Variants in ZNF385D observed in about 807,000 individuals in gnomAD.
The protein encoded by ZNF385D is zinc finger protein 659.
Under a neutral mutation model 35.8 loss-of-function variants are expected in ZNF385D, and 15 were observed. The observed-to-expected ratio is 0.42, with a 90% CI of 0.28 to 0.64. ZNF385D has a LOEUF of 0.64. Among genes scored for constraint, ZNF385D ranks in the 30% least tolerant of loss-of-function variants. The probability of loss-of-function intolerance (pLI) is 0.23; values close to 1 mark genes in which losing one functional copy is unlikely to be tolerated. For missense variants in ZNF385D, 474 were observed against 494.6 expected, an observed-to-expected ratio of 0.96 and a Z score of 0.39; for synonymous variants, 212 against 186.8, an observed-to-expected ratio of 1.13 and a Z score of -1.10.
At chr3:21,998,764 CAGTT>C (rs1695647899) in intron 3 of ZNF385D, among the ~76,000 whole-genome samples, 2 of 152,144 alleles carry the variant, frequency 1.3e-5, no homozygotes, top group Non-Finnish European at 2.9e-5. Context: ...TTCAATACTT[CAGTT>C]ATTTAAAATT....
intron 3 of ZNF385D, among the ~76,000 whole-genome samples, chr3:22,086,614 G>C (rs1701059167): frequency 6.6e-6 from 1 of 152,148 alleles, no homozygotes; most frequent in Non-Finnish European, 1.5e-5. Context: ...CATGAAAATG[G>C]TCATAATACC....
chr3:21,779,884 C>T (rs375123941), intron 3 of ZNF385D, among the ~76,000 whole-genome samples: 11 of 151,956 alleles, frequency 7.2e-5, no homozygotes, highest in African/African-American at 2.7e-4. Context: ...CACTATATTT[C>T]CTCATACTTA....
At chr3:22,243,564 G>T (rs962920105) in intron 2 of ZNF385D, among the ~76,000 whole-genome samples, 9 of 151,002 alleles carry the variant, frequency 6.0e-5, no homozygotes, top group African/African-American at 2.0e-4. Context: ...TTAGAAAACA[G>T]GGAGAGAAAT....
chr3:22,217,520 A>G lies in ZNF385D; in HGVS notation c.107-48485T>C, dbSNP rs145147017. ...TCTACAATGACCCTGTTTCCAAATAAGGTTATATTTTGAAGTACTGGATGT... is the reference window on the plus strand; with the variant it reads ...TCTACAATGACCCTGTTTCCAAATAGGGTTATATTTTGAAGTACTGGATGT... On this transcript the variant is annotated intron_variant, in intron 2 of 5. Coordinates refer to the ZNF385D transcript ENST00000494108. Among the ~76,000 whole-genome samples the G allele has an allele frequency of 1.3e-3, 205 of 152,310 alleles. 3 individuals are homozygous for G. The South Asian group carries it at 0.028, about 21-fold the overall frequency.
chr3:22,063,037 T>G (rs1699767962), intron 3 of ZNF385D, among the ~76,000 whole-genome samples: 1 of 152,200 alleles, frequency 6.6e-6, no homozygotes, highest in Non-Finnish European at 1.5e-5. Flanking sequence ...GATAATTTTT[T>G]TTTATTTAAT....
intron 3 of ZNF385D, among the ~76,000 whole-genome samples, chr3:21,921,963 T>C (rs1014910935): frequency 6.6e-6 from 1 of 152,044 alleles, no homozygotes; most frequent in Admixed American, 6.6e-5. Flanking sequence ...TTCAAAAAAT[T>C]GAGGAGGAAG....
At chr3:21,831,338 T>C (rs1440532621) in intron 3 of ZNF385D, among the ~76,000 whole-genome samples, 2 of 152,152 alleles carry the variant, frequency 1.3e-5, no homozygotes, top group Non-Finnish European at 2.9e-5. Context: ...AGAAAATATA[T>C]ACAAAGTATT....
At chr3:21,560,210 A>C (rs923507629) in intron 3 of ZNF385D, among the ~76,000 whole-genome samples, 1 of 151,948 alleles carries the variant, frequency 6.6e-6, no homozygotes, top group African/African-American at 2.4e-5. Context: ...ACTGGCGAGG[A>C]GTTGTGATCC....
At chr3:21,947,018 G>C (rs916124700) in intron 3 of ZNF385D, among the ~76,000 whole-genome samples, 2 of 151,996 alleles carry the variant, frequency 1.3e-5, no homozygotes, top group African/African-American at 4.8e-5. Flanking sequence ...ACATCAGTTT[G>C]AGTATGCCTG....
intron 1 of ZNF385D, among the ~76,000 whole-genome samples, chr3:21,728,868 T>G (rs1466135478): frequency 6.6e-6 from 1 of 152,234 alleles, no homozygotes; most frequent in Non-Finnish European, 1.5e-5. Flanking sequence ...TTGATTATAT[T>G]TTTTGTATAA....
rs76095186 is a variant in ZNF385D at position 21,802,350 on chromosome 3, C to T, written c.326-137322G>A. 8.9e-3 allele frequency among the ~76,000 whole-genome samples: 1,357 copies of T among 152,154 alleles called. 19 individuals are homozygous for T. The highest frequency in any genetic ancestry group is 0.031 in the African/African-American group (1,287 of 41,518). On this transcript the variant is annotated intron_variant, in intron 3 of 5. Coordinates refer to the ZNF385D transcript ENST00000494108. ...CAAATATCAAATGGATTTAATATTACCCTTTTGGAGAGGATTTTTCATTGT... is the reference window on the plus strand; with the variant it reads ...CAAATATCAAATGGATTTAATATTATCCTTTTGGAGAGGATTTTTCATTGT...
chr3:21,463,921 T>C (rs554082225), intron 4 of ZNF385D, among the ~76,000 whole-genome samples: 1 of 151,886 alleles, frequency 6.6e-6, no homozygotes, highest in East Asian at 1.9e-4. Context: ...GCAACAGGAA[T>C]AAGAATCTCT....
chr3:22,168,050 T>C (rs913206291), intron 3 of ZNF385D, among the ~76,000 whole-genome samples: 50 of 152,176 alleles, frequency 3.3e-4, no homozygotes, highest in African/African-American at 1.1e-3. Context: ...TAGGAAGAGA[T>C]TGACATTCAT....
At chr3:21,777,054 A>T (rs2071316589) in intron 3 of ZNF385D, among the ~76,000 whole-genome samples, 1 of 151,970 alleles carries the variant, frequency 6.6e-6, no homozygotes, top group Non-Finnish European at 1.5e-5. Context: ...CCTTTTCCCC[A>T]CATGGGACCG....
chr3:21,629,389 T>G (rs928063106), intron 2 of ZNF385D, among the ~76,000 whole-genome samples: 26 of 152,240 alleles, frequency 1.7e-4, no homozygotes, highest in Middle Eastern at 3.4e-3. Context: ...TCTCCAGGCT[T>G]ATTTGTCTAT....
In ZNF385D at chr3:22,056,274, T is replaced by TAAAA. The variant is rs1180609438; in HGVS notation, c.325+112539_325+112542dup. ...ATGTACCCTAAAACTTAGAGTATAA[T>TAAAA]AAAAAAAAAAAAAAAAAAAAAAAAA... On this transcript the variant is annotated intron_variant, in intron 3 of 5. Transcript: ENST00000494108. Among the ~76,000 whole-genome samples the TAAAA allele has an allele frequency of 6.2e-4, 40 of 64,904 alleles. 2 individuals carry two copies. Among genetic ancestry groups the TAAAA allele is most frequent in the Non-Finnish European group, 9.1e-4 (27 of 29,528 alleles). 42.6% of individuals were successfully genotyped at this position (64,904 alleles called of 152,430 possible).
chr3:21,760,357 C>T (rs558882725), intron 3 of ZNF385D, among the ~76,000 whole-genome samples: 5 of 152,162 alleles, frequency 3.3e-5, no homozygotes, highest in African/African-American at 1.2e-4. Context: ...TGATGCTTTT[C>T]ATTAGTTTTG....
chr3:21,579,105 C>G (rs1056862896), intron 2 of ZNF385D: 2 of 152,062 alleles, frequency 1.3e-5, no homozygotes, highest in Non-Finnish European at 1.5e-5. Flanking sequence ...TCTATGATAC[C>G]TATTGCCACA....
intron 3 of ZNF385D, among the ~76,000 whole-genome samples, chr3:21,986,593 T>C (rs961909720): frequency 6.7e-6 from 1 of 149,090 alleles, no homozygotes; most frequent in East Asian, 1.9e-4. Flanking sequence ...TCCAACCATG[T>C]GGTCAATTTT....
Sources: allele counts gnomAD v4.1 joint callset (sites outside exome capture counted in the v4.1 genomes callset), GRCh38; gene constraint gnomAD v4.1.1; transcripts MANE v1.5; gene names NCBI Gene and HGNC (gene_info 2026-07-23, HGNC 2026-07-21).